The following SERPING1 variants were observed in gnomAD, a reference collection of about 807,000 sequenced individuals.
SERPING1 encodes plasma protease C1 inhibitor.
SERPING1 carries 5 observed loss-of-function variants against 34.1 expected under a neutral mutation model. The observed-to-expected ratio is 0.15, with a 90% CI of 0.08 to 0.31. The LOEUF (loss-of-function observed/expected upper bound fraction) is 0.31, where lower values mean the gene tolerates loss of function less well. SERPING1 is among the 10% of genes least tolerant of loss of function. The pLI is 1.00. For missense variants in SERPING1, 505 were observed against 609.5 expected (o/e 0.83, Z 1.81); for synonymous variants, 225 against 242.4 (o/e 0.93, Z 0.67).
At position 57,600,172 on chromosome 11, in the gene SERPING1, C is replaced by T; in HGVS notation, c.345C>T (p.Thr115=). ...CCCAGCTCCCAACAGATTCTCCTAC[C>T]CAGCCCACTACTGGGTCCTTCTGCC... ...PTTQLPTDSP[T]QPTTGSFCPG... is the part of the protein sequence containing the mutation. Residue 115 remains threonine (T), a synonymous_variant, in exon 3 of 8, where the codon ACC becomes ACT. Coordinates refer to ENST00000278407, the MANE Select transcript of SERPING1 (RefSeq NM_000062.3). The T allele has an allele frequency of 6.2e-7, 1 of 1,613,904 alleles. No homozygotes were observed. Among genetic ancestry groups the T allele is most frequent in the Non-Finnish European group, 8.5e-7 (1 of 1,179,900 alleles).
rs945379360 is a variant in SERPING1, at chr11:57,602,072, C to T, written c.588C>T (p.Ile196=). 4.3e-6 allele frequency: 7 copies of T among 1,614,112 alleles called. No individual in the cohort carries two copies. Among genetic ancestry groups the T allele is most frequent in the Admixed American group, 3.3e-5 (2 of 60,006 alleles). The change falls in exon 4 of 8, where the codon ATC becomes ATT. Residue 196 remains isoleucine, a synonymous_variant. Transcript: ENST00000278407. ...GENTKTNLES[I]LSYPKDFTCV... is the part of the protein sequence containing the mutation. ...ACACCAAAACAAACCTGGAGAGCAT[C>T]CTCTCTTACCCCAAGGACTTCACCT... is the stretch of plus-strand genomic sequence containing the variant.
chr11:57,602,299 C>T, intron 4 of SERPING1, 130 bp downstream of exon 4: 3 of 1,073,322 alleles, frequency 2.8e-6, no homozygotes, highest in South Asian at 2.7e-5. Context: ...GACTGCAGAG[C>T]AGGTGAAGAC....
intron 4 of SERPING1, among the ~76,000 whole-genome samples, chr11:57,602,450 C>T (rs1030736438): frequency 6.6e-6 from 1 of 152,148 alleles, no homozygotes; most frequent in African/African-American, 2.4e-5. Context: ...CTATCTACCT[C>T]AAAAGATTAA....
At chr11:57,598,158 C>A in intron 1 of SERPING1, 91 bp from the exon 2 acceptor site, 1 of 931,596 alleles carries the variant, frequency 1.1e-6, no homozygotes, top group Non-Finnish European at 1.6e-6. Flanking sequence ...GGGACTGGGG[C>A]CTGAGACGGA....
intron 2 of SERPING1, 160 bp from the exon 3 acceptor site, chr11:57,599,719 T>G: frequency 2.1e-6 from 2 of 936,926 alleles, no homozygotes; most frequent in South Asian, 2.9e-5. Flanking sequence ...GAATTAGTGG[T>G]GGTGGTTCTA....
At chr11:57,606,950 T>C (rs1272373810) in intron 6 of SERPING1, among the ~76,000 whole-genome samples, 1 of 152,170 alleles carries the variant, frequency 6.6e-6, no homozygotes, top group Non-Finnish European at 1.5e-5. Context: ...TCCTTGTATA[T>C]GCATATATGT....
chr11:57,607,662 G>C (rs1259815160), intron 6 of SERPING1, among the ~76,000 whole-genome samples: 1 of 152,030 alleles, frequency 6.6e-6, no homozygotes, highest in African/African-American at 2.4e-5. Flanking sequence ...AGACTTCATA[G>C]AGGAGGGTTT....
At chr11:57,605,800 G>A (rs1195162956) in intron 4 of SERPING1, 6 of 629,888 alleles carry the variant, frequency 9.5e-6, no homozygotes, top group Non-Finnish European at 1.7e-5. Context: ...GGAGGCTTGG[G>A]GCTACTTCTC....
intron 5 of SERPING1, 33 bp from the exon 6 acceptor site, chr11:57,606,375 C>T: frequency 6.2e-7 from 1 of 1,613,790 alleles, no homozygotes; most frequent in Non-Finnish European, 8.5e-7. Flanking sequence ...TTCCTACCTG[C>T]ATTAGAGCAA....
chr11:57,607,099 C>T (rs1330888278), intron 6 of SERPING1, among the ~76,000 whole-genome samples: 1 of 152,158 alleles, frequency 6.6e-6, no homozygotes, highest in Non-Finnish European at 1.5e-5. Flanking sequence ...ATCTCATCCC[C>T]AGTTACCAGA....
At chr11:57,611,666 A>G (rs1451865094) in intron 6 of SERPING1, 51 bp from the exon 7 acceptor site, 2 of 1,528,274 alleles carry the variant, frequency 1.3e-6, no homozygotes, top group Non-Finnish European at 1.8e-6. Context: ...GGGTGGGGCC[A>G]GGAGAGAGAT....
chr11:57,610,637 A>G (rs943041665), intron 6 of SERPING1, among the ~76,000 whole-genome samples: 1 of 152,238 alleles, frequency 6.6e-6, no homozygotes, highest in Non-Finnish European at 1.5e-5. Flanking sequence ...ACAGTCTCAT[A>G]TCCTATTAGA....
chr11:57,597,856 T>G (rs1017677606), intron 1 of SERPING1, 134 bp downstream of exon 1: 1 of 188,270 alleles, frequency 5.3e-6, no homozygotes, highest in African/African-American at 2.3e-5. Flanking sequence ...TGCTTCCACC[T>G]GGGACTTCTG....
chr11:57,611,501 C>A (rs1335909302), intron 6 of SERPING1: 3 of 599,638 alleles, frequency 5.0e-6, no homozygotes, highest in Non-Finnish European at 8.9e-6. Flanking sequence ...GAAACTCATG[C>A]TCCTTCCTCT....
intron 3 of SERPING1, among the ~76,000 whole-genome samples, chr11:57,601,143 G>C: frequency 6.6e-6 from 1 of 151,858 alleles, no homozygotes; most frequent in Non-Finnish European, 1.5e-5. Flanking sequence ...GTTCACACCT[G>C]TAATCCCAGC....
chr11:57,598,061 A>C, intron 1 of SERPING1, 188 bp from the exon 2 acceptor site: 1 of 563,500 alleles, frequency 1.8e-6, no homozygotes. Context: ...GGTGCCGGGA[A>C]AGGGAAGCGG....
chr11:57,612,034 C>T (rs1945483569), intron 7 of SERPING1, 98 bp downstream of exon 7: 1 of 1,046,886 alleles, frequency 9.6e-7, no homozygotes, highest in South Asian at 1.3e-5. Flanking sequence ...TTTTTACATC[C>T]ATAATCTCAG....
intron 7 of SERPING1, among the ~76,000 whole-genome samples, chr11:57,612,194 C>T (rs1945484970): frequency 6.6e-6 from 1 of 152,098 alleles, no homozygotes; most frequent in South Asian, 2.1e-4. Context: ...AACACCGACC[C>T]AGGTCTCCAG....
chr11:57,614,627 G>A lies in SERPING1; in HGVS notation c.*46G>A. 6.3e-7 allele frequency: 1 copy of A among 1,598,222 alleles called. No homozygotes were observed. Reference sequence around the variant, plus strand: ...GGCGAGCGCTACCTCTCCAGCCTCAGCTCTCAGTTGCAGCCCTGCTGCTGC... The same window carrying A: ...GGCGAGCGCTACCTCTCCAGCCTCAACTCTCAGTTGCAGCCCTGCTGCTGC... On this transcript the variant is annotated 3_prime_UTR_variant, in exon 8 of 8. Transcript: ENST00000278407.
Sources: gnomAD v4.1 joint callset for allele counts (sites outside exome capture counted in the v4.1 genomes callset) on GRCh38, gnomAD v4.1.1 for gene constraint, MANE v1.5 for transcripts, NCBI Gene and HGNC (gene_info 2026-07-23, HGNC 2026-07-21) for gene names.